Variants in PTPN14 observed in about 807,000 individuals in gnomAD.
The protein encoded by PTPN14 is protein tyrosine phosphatase non-receptor type 14, also known as tyrosine-protein phosphatase non-receptor type 14.
Under a neutral mutation model 126.8 loss-of-function variants are expected in PTPN14, and 53 were observed. The ratio of observed to expected loss-of-function variants is 0.42; its 90% CI spans 0.34 to 0.53. PTPN14 has a LOEUF of 0.53. PTPN14 is among the 20% of genes least tolerant of loss of function. The probability of loss-of-function intolerance (pLI) is 0.08; values close to 1 mark genes in which losing one functional copy is unlikely to be tolerated. For synonymous variants in PTPN14, 630 were observed against 599.3 expected (o/e 1.05, Z -0.75); for missense variants, 1,257 against 1,552.9 (o/e 0.81, Z 3.20).
At chr1:214,525,490 A>C (rs2102462438) in intron 1 of PTPN14, among the ~76,000 whole-genome samples, 1 of 152,368 alleles carries the variant, frequency 6.6e-6, no homozygotes, top group South Asian at 2.1e-4. Flanking sequence ...CAAAAGTTTA[A>C]ATTTACTATT....
chr1:214,395,311 A>T (rs1658852165), intron 8 of PTPN14, among the ~76,000 whole-genome samples: 2 of 152,092 alleles, frequency 1.3e-5, no homozygotes, highest in Non-Finnish European at 2.9e-5. Context: ...AACATTTCCC[A>T]TGACCACCAC....
intron 1 of PTPN14, among the ~76,000 whole-genome samples, chr1:214,507,692 C>T (rs376252979): frequency 5.0e-4 from 76 of 152,242 alleles, no homozygotes; most frequent in Middle Eastern, 6.8e-3. Context: ...GGTTTGGCTC[C>T]ATACCACTGC....
Position 214,383,293 on chromosome 1 carries a change from G to A in PTPN14, c.2544+18C>T. 6.3e-7 allele frequency: 1 copy of A among 1,597,686 alleles called. No individual in the cohort carries two copies. The stretch of plus-strand genomic sequence containing the variant: ...TGCTTTCACACTGGAAAATGCCCTG[G>A]GAGAGGAGGACACTCACCCTGATCA... On this transcript the variant is annotated intron_variant, in intron 13 of 18. Coordinates refer to ENST00000366956, the MANE Select transcript of PTPN14 (RefSeq NM_005401.5). The surrounding 1 kb of genome is among the most constrained non-coding windows in gnomAD (Gnocchi z 4.4).
chr1:214,530,234 A>C (rs1655506308), intron 1 of PTPN14: 1 of 152,198 alleles, frequency 6.6e-6, no homozygotes, highest in South Asian at 2.1e-4. Flanking sequence ...GAACATGGTA[A>C]CAGTAACTCT....
chr1:214,548,093 T>C (rs1656017233), intron 1 of PTPN14, among the ~76,000 whole-genome samples: 3 of 152,136 alleles, frequency 2.0e-5, no homozygotes, highest in African/African-American at 7.2e-5. Flanking sequence ...GACACTGAAT[T>C]CTCCATACAT....
intron 1 of PTPN14, among the ~76,000 whole-genome samples, chr1:214,498,943 C>T (rs879749967): frequency 6.6e-5 from 10 of 152,006 alleles, no homozygotes; most frequent in Non-Finnish European, 1.5e-4. Flanking sequence ...TGAAAAGCTA[C>T]GACTACAGGT....
chr1:214,458,016 TATCTATATCTA>T (rs1660420841), intron 2 of PTPN14, among the ~76,000 whole-genome samples: 1 of 151,008 alleles, frequency 6.6e-6, no homozygotes, highest in Non-Finnish European at 1.5e-5. Flanking sequence ...TCTATATCTA[TATCTATATCTA>T]TATCTATACC....
intron 3 of PTPN14, among the ~76,000 whole-genome samples, chr1:214,439,142 C>CA (rs1399496563): frequency 6.6e-6 from 1 of 151,716 alleles, no homozygotes; most frequent in Non-Finnish European, 1.5e-5. Context: ...AAGATTAAAC[C>CA]AAAAAATACT....
chr1:214,402,861 C>T, intron 6 of PTPN14, 22 bp downstream of exon 6: 2 of 1,612,100 alleles, frequency 1.2e-6, no homozygotes, highest in Non-Finnish European at 1.7e-6. Flanking sequence ...GCAGGCAGCC[C>T]CTTACCCTCT....
chr1:214,359,673 C>T (rs1420231905), intron 18 of PTPN14, among the ~76,000 whole-genome samples: 2 of 152,054 alleles, frequency 1.3e-5, no homozygotes, highest in Non-Finnish European at 2.9e-5. Flanking sequence ...ATGCACACCA[C>T]CACACCCGGC....
chr1:214,480,059 T>C lies in PTPN14; in HGVS notation c.-154-15102A>G, dbSNP rs150314796. ...TAATATTCCAGTGTATGGATCACCATTTATTTAACCATTTGCTATTGTTGA... is the reference window on the plus strand; with the variant it reads ...TAATATTCCAGTGTATGGATCACCACTTATTTAACCATTTGCTATTGTTGA... On this transcript the variant is annotated intron_variant, in intron 1 of 18. Transcript: ENST00000366956. Among the ~76,000 whole-genome samples the C allele has an allele frequency of 4.2e-3, 641 of 152,320 alleles. 22 individuals are homozygous for C. The highest frequency in any genetic ancestry group is 4.9e-4 in the Non-Finnish European group (33 of 68,028).
At chr1:214,411,118 A>G (rs186038892) in intron 5 of PTPN14, among the ~76,000 whole-genome samples, 45 of 152,234 alleles carry the variant, frequency 3.0e-4, no homozygotes, top group Non-Finnish European at 5.4e-4. Context: ...AATTTCTTTC[A>G]TCAATGTTTT....
intron 1 of PTPN14, among the ~76,000 whole-genome samples, chr1:214,512,938 C>A (rs1655013523): frequency 6.6e-6 from 1 of 152,004 alleles, no homozygotes; most frequent in Middle Eastern, 3.2e-3. Flanking sequence ...GCGATCTGCC[C>A]GCCTCAGCCT....
At chr1:214,449,285 C>T (rs78847516) in intron 3 of PTPN14, among the ~76,000 whole-genome samples, 5 of 152,048 alleles carry the variant, frequency 3.3e-5, no homozygotes, top group African/African-American at 7.2e-5. Context: ...GGATTACAGG[C>T]GTGAGCCACC....
intron 3 of PTPN14, 68 bp from the exon 4 acceptor site, chr1:214,414,794 G>A: frequency 8.2e-7 from 1 of 1,213,930 alleles, no homozygotes; most frequent in Non-Finnish European, 1.2e-6. Context: ...CCACAACACA[G>A]ATGCCTCTAG....
At chr1:214,414,251 C>T (rs1223594434) in intron 4 of PTPN14, among the ~76,000 whole-genome samples, 2 of 152,160 alleles carry the variant, frequency 1.3e-5, no homozygotes, top group Admixed American at 6.5e-5. Context: ...CTATCACACT[C>T]AAAGAAGTTG....
chr1:214,357,880 C>A lies in PTPN14; in HGVS notation c.*42G>T. 1 of 1,591,564 alleles carries A rather than the reference C, an allele frequency of 6.3e-7. No homozygotes were observed. Among genetic ancestry groups the A allele is most frequent in the East Asian group, 2.2e-5 (1 of 44,720 alleles). ...GTCTGGAGGTGACTCTCCTCCAGCG[C>A]GATGGAGCTGGGTCCCTCCTCCAGG... On this transcript the variant is annotated 3_prime_UTR_variant, in exon 19 of 19. Coordinates refer to ENST00000366956, the MANE Select transcript of PTPN14 (RefSeq NM_005401.5).
chr1:214,389,340 C>T (rs962132503), intron 11 of PTPN14, among the ~76,000 whole-genome samples: 2 of 152,238 alleles, frequency 1.3e-5, no homozygotes, highest in Non-Finnish European at 2.9e-5. Flanking sequence ...GCTAATCCCT[C>T]AAACATCATT....
intron 1 of PTPN14, among the ~76,000 whole-genome samples, chr1:214,542,244 T>G (rs1392367601): frequency 1.3e-5 from 2 of 152,244 alleles, no homozygotes; most frequent in African/African-American, 4.8e-5. Context: ...TGTGTATATG[T>G]GTAAACAATA....
Sources: gnomAD v4.1 joint callset for allele counts (sites outside exome capture counted in the v4.1 genomes callset) on GRCh38, gnomAD v4.1.1 for gene constraint, Gnocchi (gnomAD v3.1) non-coding constraint, MANE v1.5 for transcripts, NCBI Gene and HGNC (gene_info 2026-07-23, HGNC 2026-07-21) for gene names.